The following ANKRD30A variants were observed in gnomAD, a reference collection of about 807,000 sequenced individuals.
The protein encoded by ANKRD30A is ankyrin repeat domain-containing protein 30A.
In ANKRD30A, 170 loss-of-function variants were observed where a neutral mutation model predicts 166.3. That is an observed-to-expected ratio of 1.02 (90% confidence interval 0.90 to 1.16). The LOEUF (loss-of-function observed/expected upper bound fraction) is 1.16, where lower values mean the gene tolerates loss of function less well. ANKRD30A is among the 50% of genes most tolerant of loss of function. The pLI, the probability that ANKRD30A is intolerant of heterozygous loss-of-function variation, is 0.00. For missense variants in ANKRD30A, 1,630 were observed against 1,518.0 expected (o/e 1.07, Z -1.23); for synonymous variants, 564 against 508.9 (o/e 1.11, Z -1.46).
At position 37,216,188 on chromosome 10, in the gene ANKRD30A, T is replaced by C. The variant is rs1197040218; in HGVS notation, c.2877T>C (p.Thr959=). ...DKISGKLEDS[T]SLSKILDTVH... is the part of the protein sequence containing the mutation. ...ATCTCCTCCTTGAGACAGATTCAACTAGCCTATCAAAAATCTTGGATACAG... is the reference window on the plus strand; with the variant it reads ...ATCTCCTCCTTGAGACAGATTCAACCAGCCTATCAAAAATCTTGGATACAG... Residue 959 remains threonine (T), a synonymous_variant, in exon 32 of 36, where the codon ACT becomes ACC. Transcript: ENST00000361713. The C allele has an allele frequency of 6.3e-7, 1 of 1,595,368 alleles. No individual in the cohort carries two copies. The highest frequency in any genetic ancestry group is 1.4e-5 in the African/African-American group (1 of 73,828).
At chr10:37,240,399 A>C in the ANKRD30A span, among the ~76,000 whole-genome samples, 3 of 152,146 alleles carry the variant, frequency 2.0e-5, no homozygotes, top group South Asian at 2.1e-4. Flanking sequence ...ATGCATAGCC[A>C]AACAGTCATA....
rs1838001987 is a variant in ANKRD30A at position 37,152,215 on chromosome 10, T to A, written c.1707+94T>A. ...TAGGCTTTATTTTCTCGCCTCTTCA[T>A]ATGTCACCCCGAAATTATTTTTGAT... On this transcript the variant is annotated intron_variant, in intron 12 of 35. Coordinates refer to ENST00000361713, the MANE Select transcript of ANKRD30A (RefSeq NM_052997.3). 18 of 1,028,264 alleles carry A rather than the reference T, an allele frequency of 1.8e-5. No individual in the cohort carries two copies. The South Asian group carries it at 2.6e-4, about 15-fold the overall frequency. The allele number at this position is 1,028,264 out of a possible 1,614,324, so 63.7% of individuals were successfully genotyped here.
At position 37,231,442 on chromosome 10, in the gene ANKRD30A, C is replaced by G. The variant is rs748778828; in HGVS notation, c.4186-19C>G. 3 of 1,584,832 alleles carry G rather than the reference C, an allele frequency of 1.9e-6. No individual in the cohort carries two copies. The Admixed American group carries it at 5.3e-5, about 28-fold the overall frequency. On this transcript the variant is annotated intron_variant, in intron 34 of 35. Coordinates refer to ENST00000361713, the MANE Select transcript of ANKRD30A (RefSeq NM_052997.3). ...GAAAAAATAAAATACTAAGCATTTTCCTTTTGCAATCTTCACAGAACTCAT... is the reference window on the plus strand; with the variant it reads ...GAAAAAATAAAATACTAAGCATTTTGCTTTTGCAATCTTCACAGAACTCAT...
At chr10:37,230,627 A>G (rs1843374836) in intron 34 of ANKRD30A, among the ~76,000 whole-genome samples, 1 of 152,118 alleles carries the variant, frequency 6.6e-6, no homozygotes, top group African/African-American at 2.4e-5. Flanking sequence ...CAAAATGGTC[A>G]TGTACAATTA....
At chr10:37,247,768 G>C in the ANKRD30A span, among the ~76,000 whole-genome samples, 1 of 150,860 alleles carries the variant, frequency 6.6e-6, no homozygotes, top group East Asian at 1.9e-4. Flanking sequence ...TGTAGTCCCA[G>C]CTACTCCGGA....
the ANKRD30A span, among the ~76,000 whole-genome samples, chr10:37,260,797 G>T: frequency 6.6e-6 from 1 of 151,934 alleles, no homozygotes; most frequent in Non-Finnish European, 1.5e-5. Context: ...GTATAAAAAA[G>T]AATAAAACTA....
Position 37,217,764 on chromosome 10 carries a change from A to C in ANKRD30A, c.3153A>C (p.Glu1051Asp), listed in dbSNP as rs1842676581. 1 of 1,597,112 alleles carries C rather than the reference A, an allele frequency of 6.3e-7. No individual in the cohort carries two copies. The change falls in exon 33 of 36, where the codon GAA becomes GAC. Residue 1051 changes from glutamate to aspartate, a missense_variant. By Grantham distance (45) the Glu-to-Asp change is conservative. Transcript: ENST00000361713. ...ADILNEKIREELGRIEEQHRK... is the reference protein window; with the variant it reads ...ADILNEKIREDLGRIEEQHRK... ...TATTAAATGAAAAAATTAGGGAAGAATTAGGAAGAATCGAAGAGCAGCATA... is the reference window on the plus strand; with the variant it reads ...TATTAAATGAAAAAATTAGGGAAGACTTAGGAAGAATCGAAGAGCAGCATA...
chr10:37,191,892 G>A (rs974595537), intron 25 of ANKRD30A, among the ~76,000 whole-genome samples: 4 of 151,972 alleles, frequency 2.6e-5, no homozygotes, highest in African/African-American at 9.7e-5. Flanking sequence ...CTACTCCGGA[G>A]GCTGAGACAA....
rs1836845767 is a variant in ANKRD30A, at chr10:37,138,118, G to C, written c.820+1447G>C. Among the ~76,000 whole-genome samples the C allele has an allele frequency of 3.3e-5, 5 of 152,090 alleles. No individual in the cohort carries two copies. The South Asian group carries it at 1.0e-3, about 31-fold the overall frequency. On this transcript the variant is annotated intron_variant, in intron 6 of 35. Transcript: ENST00000361713. ...CCACTGCTGATACCCAGGCAAACAG[G>C]GTCTGGAGTGGACCTCCAGCAAACT... is the stretch of plus-strand genomic sequence containing the variant.
intron 34 of ANKRD30A, among the ~76,000 whole-genome samples, chr10:37,229,037 G>A (rs942480195): frequency 2.6e-5 from 4 of 151,926 alleles, no homozygotes; most frequent in African/African-American, 7.2e-5. Context: ...TAATCTGAAG[G>A]TTTGCTCAGC....
chr10:37,257,073 C>T, the ANKRD30A span, among the ~76,000 whole-genome samples: 1 of 151,818 alleles, frequency 6.6e-6, no homozygotes, highest in African/African-American at 2.4e-5. Context: ...TATTTCAGAA[C>T]TTGTTATGGG....
chr10:37,166,715 T>A lies in ANKRD30A; in HGVS notation c.2155+20T>A, dbSNP rs1402337441. On this transcript the variant is annotated intron_variant, in intron 19 of 35. Coordinates refer to ENST00000361713, the MANE Select transcript of ANKRD30A (RefSeq NM_052997.3). Reference sequence around the variant, plus strand: ...TAGAAGGTAAGAACCGTTTTTTATTTAAAAATCATTTGACCAAATATTTCT... The same window carrying A: ...TAGAAGGTAAGAACCGTTTTTTATTAAAAAATCATTTGACCAAATATTTCT... The A allele has an allele frequency of 6.2e-7, 1 of 1,605,996 alleles. No individual in the cohort carries two copies. Among genetic ancestry groups the A allele is most frequent in the Admixed American group, 1.7e-5 (1 of 58,300 alleles).
chr10:37,166,965 T>C (rs1379139661), intron 19 of ANKRD30A, among the ~76,000 whole-genome samples: 1 of 151,888 alleles, frequency 6.6e-6, no homozygotes, highest in African/African-American at 2.4e-5. Flanking sequence ...AAAGTAGTAA[T>C]AGAGTAAATG....
intron 29 of ANKRD30A, among the ~76,000 whole-genome samples, chr10:37,198,535 T>A (rs1435536399): frequency 6.6e-6 from 1 of 152,084 alleles, no homozygotes; most frequent in Non-Finnish European, 1.5e-5. Context: ...TTTAAGATAT[T>A]TCCTTGTTCA....
At chr10:37,200,949 G>A (rs566886340) in intron 30 of ANKRD30A, among the ~76,000 whole-genome samples, 3 of 152,090 alleles carry the variant, frequency 2.0e-5, no homozygotes, top group African/African-American at 7.2e-5. Flanking sequence ...TTTTAAGAGA[G>A]ATACGTTTTG....
chr10:37,131,592 A>G (rs1836384284), intron 3 of ANKRD30A, among the ~76,000 whole-genome samples: 1 of 152,170 alleles, frequency 6.6e-6, no homozygotes, highest in African/African-American at 2.4e-5. Flanking sequence ...GGGATTATTG[A>G]TAGAAGAGAA....
the ANKRD30A span, among the ~76,000 whole-genome samples, chr10:37,259,638 A>G: frequency 6.6e-6 from 1 of 152,378 alleles, no homozygotes; most frequent in Non-Finnish European, 1.5e-5. Flanking sequence ...GTGTATTCTT[A>G]CAATAAAATA....
rs111952707 is a variant in ANKRD30A, at chr10:37,152,776, A to G, written c.1707+655A>G. On this transcript the variant is annotated intron_variant, in intron 12 of 35. Coordinates refer to ENST00000361713, the MANE Select transcript of ANKRD30A (RefSeq NM_052997.3). ...TGCAGCAGCATGAGCGTCAAATAATAGTGATGTATTTTAAGGTCACAACTG... is the reference window on the plus strand; with the variant it reads ...TGCAGCAGCATGAGCGTCAAATAATGGTGATGTATTTTAAGGTCACAACTG... 3.9e-3 allele frequency among the ~76,000 whole-genome samples: 587 copies of G among 152,238 alleles called. 3 individuals carry two copies. The highest frequency in any genetic ancestry group is 0.013 in the African/African-American group (558 of 41,570).
chr10:37,182,955 G>C (rs1455757441), intron 24 of ANKRD30A, among the ~76,000 whole-genome samples: 1 of 151,242 alleles, frequency 6.6e-6, no homozygotes, highest in African/African-American at 2.4e-5. Flanking sequence ...GAACTTCCTT[G>C]TTTGCTTATC....
Sources: allele counts gnomAD v4.1 joint callset (sites outside exome capture counted in the v4.1 genomes callset), GRCh38; gene constraint gnomAD v4.1.1; transcripts MANE v1.5; gene names NCBI Gene and HGNC (gene_info 2026-07-23, HGNC 2026-07-21).